The following CACNA2D3 variants were observed in gnomAD, a reference collection of about 807,000 sequenced individuals.
CACNA2D3 encodes the protein calcium voltage-gated channel auxiliary subunit alpha2delta 3.
Under a neutral mutation model 160.6 loss-of-function variants are expected in CACNA2D3, and 60 were observed. The ratio of observed to expected loss-of-function variants is 0.37; its 90% CI spans 0.30 to 0.46. CACNA2D3 has a LOEUF of 0.46. Ranked by LOEUF, CACNA2D3 falls within the 20% of genes least tolerant of loss-of-function variation. The pLI is 1.00. For missense variants in CACNA2D3, 1,205 were observed against 1,365.0 expected (o/e 0.88, Z 1.85); for synonymous variants, 558 against 492.9 (o/e 1.13, Z -1.75).
At chr3:54,800,292 G>C (rs1321140703) in intron 13 of CACNA2D3, among the ~76,000 whole-genome samples, 3 of 152,184 alleles carry the variant, frequency 2.0e-5, no homozygotes, top group African/African-American at 7.2e-5. Context: ...TTTTCAAGCA[G>C]GAAATACAAA....
At chr3:54,666,346 A>C (rs1299556252) in intron 11 of CACNA2D3, among the ~76,000 whole-genome samples, 1 of 152,238 alleles carries the variant, frequency 6.6e-6, no homozygotes, top group Non-Finnish European at 1.5e-5. Context: ...ATTCTTTACA[A>C]ATATGTCATT....
intron 11 of CACNA2D3, among the ~76,000 whole-genome samples, chr3:54,655,412 G>A (rs542404138): frequency 4.9e-4 from 75 of 152,328 alleles, no homozygotes; most frequent in South Asian, 1.7e-3. Flanking sequence ...CATTATCATC[G>A]TTACCATAAT....
chr3:54,245,143 C>T (rs926520633), intron 2 of CACNA2D3, among the ~76,000 whole-genome samples: 7 of 152,096 alleles, frequency 4.6e-5, no homozygotes. Flanking sequence ...ATTATATGGT[C>T]ATGGTCCACA....
intron 3 of CACNA2D3, among the ~76,000 whole-genome samples, chr3:54,347,417 C>T (rs565815545): frequency 6.6e-6 from 1 of 152,266 alleles, no homozygotes; most frequent in South Asian, 2.1e-4. Context: ...ATTTTGGAGA[C>T]CAGCTGAAGT....
rs71096430 is a variant in CACNA2D3, at chr3:54,626,684, C to CAAAAAAAAAAA, written c.964-1088_964-1078dup. ...TAATAAAGGCGCACATGGTTCCAGT[C>CAAAAAAAAAAA]AAAAAAAAAAAAAAAAAAAAAAAAA... On this transcript the variant is annotated intron_variant, in intron 9 of 37. Coordinates refer to ENST00000474759, the MANE Select transcript of CACNA2D3 (RefSeq NM_018398.3). 2.9e-4 allele frequency: 93 copies of CAAAAAAAAAAA among 318,188 alleles called. 2 individuals carry two copies. The highest frequency in any genetic ancestry group is 1.3e-3 in the African/African-American group (28 of 21,560). The allele number at this position is 318,188 out of a possible 1,614,324, so 19.7% of individuals were successfully genotyped here.
At chr3:54,537,957 C>T (rs1174145644) in intron 5 of CACNA2D3, among the ~76,000 whole-genome samples, 1 of 152,162 alleles carries the variant, frequency 6.6e-6, no homozygotes, top group Non-Finnish European at 1.5e-5. Flanking sequence ...CGTGGTTCCT[C>T]TCTGTGACCC....
At chr3:54,904,848 C>T (rs1700417930) in intron 27 of CACNA2D3, among the ~76,000 whole-genome samples, 1 of 152,164 alleles carries the variant, frequency 6.6e-6, no homozygotes, top group African/African-American at 2.4e-5. Flanking sequence ...GTAGCTAAAA[C>T]TCCAGTCCAT....
At chr3:54,845,820 C>G (rs1388767205) in intron 16 of CACNA2D3, among the ~76,000 whole-genome samples, 1 of 152,132 alleles carries the variant, frequency 6.6e-6, no homozygotes, top group Non-Finnish European at 1.5e-5. Flanking sequence ...GGCAGCCACA[C>G]AATTTGAAGA....
intron 14 of CACNA2D3, among the ~76,000 whole-genome samples, chr3:54,822,769 T>TC (rs748973990): frequency 1.1e-5 from 1 of 90,140 alleles, no homozygotes; most frequent in Non-Finnish European, 2.2e-5. Flanking sequence ...TTTCTTTCTT[T>TC]CTTTCTTTCT....
chr3:55,004,225 A>G (rs17707469), intron 31 of CACNA2D3, among the ~76,000 whole-genome samples: 35,414 of 152,118 alleles, frequency 0.23, 4,099 homozygotes, highest in Admixed American at 0.27. Context: ...GGTGATGACA[A>G]TAAGGAGTAG....
intron 4 of CACNA2D3, among the ~76,000 whole-genome samples, chr3:54,409,363 A>G (rs1699628405): frequency 6.6e-6 from 1 of 152,216 alleles, no homozygotes; most frequent in South Asian, 2.1e-4. Context: ...ATTGATAAAT[A>G]TTGCATGTGT....
chr3:54,257,276 G>C (rs1702314902), intron 2 of CACNA2D3, among the ~76,000 whole-genome samples: 1 of 152,162 alleles, frequency 6.6e-6, no homozygotes, highest in Non-Finnish European at 1.5e-5. Flanking sequence ...CACCAGAACT[G>C]TCCCCTGCAA....
Position 54,881,593 on chromosome 3 carries a change from C to T in CACNA2D3, c.1912+730C>T, listed in dbSNP as rs528820896. Among the ~76,000 whole-genome samples the T allele has an allele frequency of 2.6e-5, 4 of 152,264 alleles. No individual in the cohort carries two copies. In the East Asian group the frequency reaches 5.8e-4, roughly 22 times the overall value. ...TACCTGTCCCAGCATTAGGAGCTCA[C>T]AGGGGTGGTGGACATTGTTTCTGAA... On this transcript the variant is annotated intron_variant, in intron 21 of 37. Coordinates refer to ENST00000474759, the MANE Select transcript of CACNA2D3 (RefSeq NM_018398.3).
At chr3:54,778,908 T>C (rs974283593) in intron 13 of CACNA2D3, among the ~76,000 whole-genome samples, 4 of 152,212 alleles carry the variant, frequency 2.6e-5, no homozygotes, top group Non-Finnish European at 4.4e-5. Context: ...TGGGCTTCTC[T>C]CTCAGGTACC....
chr3:54,617,634 C>T (rs1284583927), intron 9 of CACNA2D3, among the ~76,000 whole-genome samples: 1 of 152,186 alleles, frequency 6.6e-6, no homozygotes, highest in East Asian at 1.9e-4. Context: ...ACAAAGAATA[C>T]ATTTTTATTA....
At chr3:54,276,040 G>T (rs1045277871) in intron 2 of CACNA2D3, among the ~76,000 whole-genome samples, 6 of 152,084 alleles carry the variant, frequency 3.9e-5, no homozygotes, top group African/African-American at 1.4e-4. Flanking sequence ...TCAGTGCAAG[G>T]TTATTAAAAA....
intron 4 of CACNA2D3, among the ~76,000 whole-genome samples, chr3:54,463,993 A>G (rs1700559468): frequency 6.6e-6 from 1 of 152,218 alleles, no homozygotes; most frequent in Non-Finnish European, 1.5e-5. Flanking sequence ...TCTACCATAC[A>G]GGACCCTCAG....
intron 2 of CACNA2D3, among the ~76,000 whole-genome samples, chr3:54,169,822 A>G (rs1437481823): frequency 1.3e-5 from 2 of 152,062 alleles, no homozygotes; most frequent in Non-Finnish European, 1.5e-5. Flanking sequence ...AAGGTGGAGA[A>G]GAAAGGCCTC....
At chr3:54,518,634 A>G (rs192132617) in intron 5 of CACNA2D3, among the ~76,000 whole-genome samples, 142 of 152,266 alleles carry the variant, frequency 9.3e-4, no homozygotes, top group African/African-American at 3.3e-3. Context: ...ATCCTGACAC[A>G]TTTTATTCTA....
Sources: gnomAD v4.1 joint callset for allele counts (sites outside exome capture counted in the v4.1 genomes callset) on GRCh38, gnomAD v4.1.1 for gene constraint, MANE v1.5 for transcripts, NCBI Gene and HGNC (gene_info 2026-07-23, HGNC 2026-07-21) for gene names.